ARMH3: variants seen among roughly 807,000 people sequenced by gnomAD.
ARMH3 encodes the protein armadillo like helical domain containing 3, also known as armadillo-like helical domain-containing protein 3.
ARMH3 carries 60 observed loss-of-function variants against 99.1 expected under a neutral mutation model. The observed-to-expected ratio is 0.61, with a 90% CI of 0.49 to 0.75. The LOEUF (loss-of-function observed/expected upper bound fraction) is 0.75. ARMH3 is among the 30% of genes least tolerant of loss of function. The probability of loss-of-function intolerance (pLI) is 0.00; values close to 1 mark genes in which losing one functional copy is unlikely to be tolerated. For synonymous variants in ARMH3, 285 were observed against 292.8 expected (o/e 0.97, Z 0.27); for missense variants, 679 against 843.1 (o/e 0.81, Z 2.41).
At chr10:102,009,763 G>C (rs531464536) in intron 12 of ARMH3, among the ~76,000 whole-genome samples, 1 of 152,222 alleles carries the variant, frequency 6.6e-6, no homozygotes, top group South Asian at 2.1e-4. Context: ...AGATAGTCTG[G>C]CAACAGTTGT....
intron 24 of ARMH3, among the ~76,000 whole-genome samples, chr10:101,863,787 G>C (rs916466988): frequency 2.6e-5 from 4 of 151,708 alleles, no homozygotes; most frequent in African/African-American, 9.7e-5. Flanking sequence ...TTAAGGCCAG[G>C]CACAGCGGCT....
intron 15 of ARMH3, 69 bp downstream of exon 15, chr10:102,001,902 G>C: frequency 7.4e-7 from 1 of 1,350,208 alleles, no homozygotes; most frequent in Non-Finnish European, 1.1e-6. Context: ...AAATATTAAT[G>C]TTGCTCTTTG....
At chr10:101,984,039 C>G (rs371963315) in intron 19 of ARMH3, among the ~76,000 whole-genome samples, 5 of 152,286 alleles carry the variant, frequency 3.3e-5, no homozygotes, top group East Asian at 1.9e-4. Context: ...AATTGAAATA[C>G]AGTACACCCA....
intron 20 of ARMH3, among the ~76,000 whole-genome samples, chr10:101,969,460 C>T (rs1383301710): frequency 6.6e-6 from 1 of 152,188 alleles, no homozygotes; most frequent in East Asian, 1.9e-4. Flanking sequence ...TGAAAAATTT[C>T]AGTCCTGTAT....
chr10:101,897,278 AG>A (rs1391597763), intron 23 of ARMH3, among the ~76,000 whole-genome samples: 3 of 152,258 alleles, frequency 2.0e-5, no homozygotes, highest in African/African-American at 7.2e-5. Flanking sequence ...CCAAGACAGC[AG>A]GTACCAAATT....
chr10:101,975,392 C>T (rs1845950518), intron 19 of ARMH3, 92 bp from the exon 20 acceptor site: 2 of 909,180 alleles, frequency 2.2e-6, no homozygotes, highest in Middle Eastern at 2.3e-4. Context: ...TTTGCTAAGG[C>T]CACTAAAGAC....
chr10:102,034,499 G>T (rs898895092), intron 2 of ARMH3, among the ~76,000 whole-genome samples: 8 of 151,878 alleles, frequency 5.3e-5, no homozygotes, highest in African/African-American at 1.9e-4. Flanking sequence ...AGCCGGGCGT[G>T]GTGGTGGGCA....
intron 20 of ARMH3, among the ~76,000 whole-genome samples, chr10:101,962,969 T>C (rs945609343): frequency 2.1e-5 from 3 of 144,022 alleles, no homozygotes; most frequent in Non-Finnish European, 3.0e-5. Flanking sequence ...TGTCTTTTTT[T>C]CTTTTTTTTT....
At chr10:101,864,079 ACACACACAC>A (rs1442046496) in intron 24 of ARMH3, among the ~76,000 whole-genome samples, 5 of 97,536 alleles carry the variant, frequency 5.1e-5, no homozygotes, top group Admixed American at 1.9e-4. Flanking sequence ...AAAAAAAAAA[ACACACACAC>A]ACACACACAC....
At chr10:102,043,939 C>CA (rs2067480927) in intron 1 of ARMH3, among the ~76,000 whole-genome samples, 1 of 152,098 alleles carries the variant, frequency 6.6e-6, no homozygotes, top group South Asian at 2.1e-4. Flanking sequence ...TTTTTTGAGA[C>CA]AGAGTCTCAC....
chr10:102,041,945 G>A (rs1398321785), intron 1 of ARMH3, among the ~76,000 whole-genome samples: 1 of 152,146 alleles, frequency 6.6e-6, no homozygotes, highest in Non-Finnish European at 1.5e-5. Context: ...ACTGTCCCCA[G>A]CCTGACCTAA....
chr10:102,006,364 A>G (rs2066487233), intron 14 of ARMH3, among the ~76,000 whole-genome samples, 176 bp downstream of exon 14: 1 of 152,200 alleles, frequency 6.6e-6, no homozygotes, highest in African/African-American at 2.4e-5. Context: ...AAATCACTGG[A>G]CTGTCTTTTT....
chr10:102,033,799 GT>G (rs942573238), intron 2 of ARMH3, among the ~76,000 whole-genome samples: 4 of 151,954 alleles, frequency 2.6e-5, no homozygotes, highest in East Asian at 3.9e-4. Flanking sequence ...ATCTCTTTGT[GT>G]TTTTTTTCCC....
intron 8 of ARMH3, among the ~76,000 whole-genome samples, chr10:102,019,868 C>T (rs568452286): frequency 6.8e-6 from 1 of 147,732 alleles, no homozygotes; most frequent in African/African-American, 2.5e-5. Context: ...GCAGAGCTTG[C>T]AGTGAGCCAA....
intron 17 of ARMH3, among the ~76,000 whole-genome samples, chr10:101,992,390 AAAT>A (rs952747360): frequency 2.0e-4 from 30 of 152,310 alleles, no homozygotes; most frequent in Admixed American, 1.2e-3. Context: ...CTTTGACGAT[AAAT>A]AATAATAATA....
chr10:101,985,290 A>G (rs560155809), intron 19 of ARMH3, among the ~76,000 whole-genome samples: 6 of 132,116 alleles, frequency 4.5e-5, no homozygotes, highest in Non-Finnish European at 6.6e-5. Context: ...ATACGTATAT[A>G]CACACGTATA....
intron 22 of ARMH3, among the ~76,000 whole-genome samples, chr10:101,942,326 C>T (rs952999992): frequency 1.2e-4 from 19 of 152,108 alleles, no homozygotes; most frequent in African/African-American, 4.3e-4. Context: ...ACTATGCATG[C>T]ATGTGGGTTA....
At chr10:102,020,848 A>T (rs1312357304) in intron 8 of ARMH3, among the ~76,000 whole-genome samples, 2 of 127,260 alleles carry the variant, frequency 1.6e-5, no homozygotes, top group African/African-American at 5.4e-5. Context: ...ACTCTGTCTC[A>T]AAAAAAAAAA....
At chr10:101,926,927 A>C (rs1843530526) in intron 23 of ARMH3, among the ~76,000 whole-genome samples, 1 of 152,182 alleles carries the variant, frequency 6.6e-6, no homozygotes, top group East Asian at 1.9e-4. Context: ...ACAAACGCCC[A>C]GGAATGATAG....
Sources: gnomAD v4.1 joint callset for allele counts (sites outside exome capture counted in the v4.1 genomes callset) on GRCh38, gnomAD v4.1.1 for gene constraint, MANE v1.5 for transcripts, NCBI Gene and HGNC (gene_info 2026-07-23, HGNC 2026-07-21) for gene names.